Variants in CTNNA3 observed in about 807,000 individuals in gnomAD.
CTNNA3 encodes the protein catenin alpha 3, also known as catenin alpha-3.
A neutral mutation model predicts 95.7 loss-of-function variants in CTNNA3; 76 were observed. That is an observed-to-expected ratio of 0.79 (90% confidence interval 0.66 to 0.96). The LOEUF is 0.96. Among genes scored for constraint, CTNNA3 ranks in the 40% least tolerant of loss-of-function variants. The probability of loss-of-function intolerance (pLI) is 0.00; values close to 1 mark genes in which losing one functional copy is unlikely to be tolerated. For synonymous variants in CTNNA3, 431 were observed against 374.4 expected (o/e 1.15, Z -1.74); for missense variants, 1,191 against 1,089.8 (o/e 1.09, Z -1.31).
chr10:67,499,261 C>A (rs756352302), intron 5 of CTNNA3, among the ~76,000 whole-genome samples: 1 of 152,144 alleles, frequency 6.6e-6, no homozygotes, highest in East Asian at 1.9e-4. Flanking sequence ...GTTGAACCAG[C>A]CTTGCATCCC....
intron 7 of CTNNA3, among the ~76,000 whole-genome samples, chr10:66,982,288 G>T (rs1850486409): frequency 6.6e-6 from 1 of 152,134 alleles, no homozygotes; most frequent in Non-Finnish European, 1.5e-5. Context: ...TAATCATTTT[G>T]TACTGGAAAA....
At chr10:66,250,557 G>A (rs1402434039) in intron 13 of CTNNA3, among the ~76,000 whole-genome samples, 3 of 152,130 alleles carry the variant, frequency 2.0e-5, no homozygotes, top group African/African-American at 7.2e-5. Flanking sequence ...CACCTACTAT[G>A]TACTCTCTAC....
At chr10:67,337,060 T>C (rs1294102544) in intron 5 of CTNNA3, among the ~76,000 whole-genome samples, 1 of 152,210 alleles carries the variant, frequency 6.6e-6, no homozygotes, top group Non-Finnish European at 1.5e-5. Flanking sequence ...TCAAGCCTTA[T>C]TATTTAATAA....
chr10:66,829,400 C>T (rs1842631200), intron 7 of CTNNA3, among the ~76,000 whole-genome samples: 1 of 151,994 alleles, frequency 6.6e-6, no homozygotes, highest in Non-Finnish European at 1.5e-5. Context: ...CACTTTAGGT[C>T]AGGAGTGAGA....
At chr10:67,402,251 A>C (rs752556810) in intron 5 of CTNNA3, among the ~76,000 whole-genome samples, 1 of 152,200 alleles carries the variant, frequency 6.6e-6, no homozygotes, top group African/African-American at 2.4e-5. Flanking sequence ...AGAGACAAAA[A>C]CTTAATTTCT....
intron 13 of CTNNA3, among the ~76,000 whole-genome samples, chr10:66,172,996 C>T (rs1473107196): frequency 6.6e-6 from 1 of 152,030 alleles, no homozygotes; most frequent in Non-Finnish European, 1.5e-5. Context: ...CATACACTGA[C>T]CCAGTGGAGC....
chr10:67,378,403 C>T lies in CTNNA3; in HGVS notation c.579+143439G>A, dbSNP rs147862650. ...AGGTATGGTTATCAAAACTAAGAAA[C>T]GAATATTTGTGTAGAACACTATTAA... is the stretch of plus-strand genomic sequence containing the variant. On this transcript the variant is annotated intron_variant, in intron 5 of 17. Transcript: ENST00000433211. 8.0e-3 allele frequency among the ~76,000 whole-genome samples: 1,222 copies of T among 152,140 alleles called. 33 individuals carry two copies. Among genetic ancestry groups the T allele is most frequent in the Admixed American group, 0.053 (815 of 15,276 alleles).
intron 11 of CTNNA3, among the ~76,000 whole-genome samples, chr10:66,399,194 T>G (rs536019587): frequency 9.3e-5 from 14 of 150,160 alleles, no homozygotes; most frequent in Admixed American, 4.0e-4. Flanking sequence ...CTTTGTTTTC[T>G]TATAGTATTA....
intron 14 of CTNNA3, among the ~76,000 whole-genome samples, chr10:66,084,593 T>G (rs1186902228): frequency 6.6e-6 from 1 of 152,060 alleles, no homozygotes; most frequent in Non-Finnish European, 1.5e-5. Flanking sequence ...AGAAAAAAAA[T>G]TCTTAGAAAA....
intron 5 of CTNNA3, among the ~76,000 whole-genome samples, chr10:67,426,041 G>A (rs1305719364): frequency 6.6e-6 from 1 of 151,972 alleles, no homozygotes; most frequent in East Asian, 1.9e-4. Flanking sequence ...TTCCTTAAAG[G>A]TCATAAAGCA....
At chr10:66,952,747 G>A (rs1425344504) in intron 7 of CTNNA3, among the ~76,000 whole-genome samples, 1 of 151,882 alleles carries the variant, frequency 6.6e-6, no homozygotes, top group South Asian at 2.1e-4. Context: ...TACAGCCAGG[G>A]ACTCTTCTGC....
chr10:66,584,285 A>G (rs1264067387), intron 10 of CTNNA3, among the ~76,000 whole-genome samples: 3 of 151,228 alleles, frequency 2.0e-5, no homozygotes, highest in African/African-American at 7.3e-5. Context: ...AGTGTTGATG[A>G]CTCCCACTAT....
chr10:67,113,971 T>C (rs1859037941), intron 7 of CTNNA3, among the ~76,000 whole-genome samples: 1 of 151,958 alleles, frequency 6.6e-6, no homozygotes, highest in Non-Finnish European at 1.5e-5. Context: ...TAGTCCCAGC[T>C]ACTCAGGAGG....
intron 12 of CTNNA3, among the ~76,000 whole-genome samples, chr10:66,366,701 A>G (rs2092713179): frequency 6.6e-6 from 1 of 152,152 alleles, no homozygotes; most frequent in African/African-American, 2.4e-5. Flanking sequence ...AGACTAAGAT[A>G]TTTTGTTATA....
chr10:66,800,426 A>G (rs1564691598), intron 7 of CTNNA3, among the ~76,000 whole-genome samples: 1 of 151,280 alleles, frequency 6.6e-6, no homozygotes, highest in African/African-American at 2.4e-5. Context: ...AAATACAGCA[A>G]TACTTTAAAA....
chr10:65,974,773 G>A (rs1432634672), intron 16 of CTNNA3, among the ~76,000 whole-genome samples: 1 of 76,374 alleles, frequency 1.3e-5, no homozygotes, highest in Non-Finnish European at 2.8e-5. Context: ...CTGGACTCTG[G>A]GTTAAAAAAA....
intron 11 of CTNNA3, among the ~76,000 whole-genome samples, chr10:66,456,700 A>G (rs971813479): frequency 6.6e-6 from 1 of 152,022 alleles, no homozygotes; most frequent in African/African-American, 2.4e-5. Context: ...AAACACAAAC[A>G]AAACAACAAC....
intron 9 of CTNNA3, among the ~76,000 whole-genome samples, chr10:66,765,386 A>G (rs1266850566): frequency 1.3e-5 from 2 of 152,172 alleles, no homozygotes; most frequent in Non-Finnish European, 2.9e-5. Flanking sequence ...CAGTCAAAAC[A>G]TTTAATAACC....
intron 5 of CTNNA3, among the ~76,000 whole-genome samples, chr10:67,439,127 G>C (rs781573751): frequency 3.9e-5 from 6 of 152,048 alleles, no homozygotes; most frequent in South Asian, 4.1e-4. Context: ...AGAAATGAAA[G>C]TGACTCTTTC....
Sources: gnomAD v4.1 joint callset for allele counts (sites outside exome capture counted in the v4.1 genomes callset) on GRCh38, gnomAD v4.1.1 for gene constraint, MANE v1.5 for transcripts, NCBI Gene and HGNC (gene_info 2026-07-23, HGNC 2026-07-21) for gene names.